Variants in SND1 observed in about 807,000 individuals in gnomAD.
The protein encoded by SND1 is staphylococcal nuclease and tudor domain containing 1, also known as staphylococcal nuclease domain-containing protein 1.
In SND1, 38 loss-of-function variants were observed where a neutral mutation model predicts 121.7. The observed-to-expected ratio is 0.31, with a 90% confidence interval of 0.24 to 0.41. The LOEUF (loss-of-function observed/expected upper bound fraction) is 0.41, where lower values mean the gene tolerates loss of function less well. Among genes scored for constraint, SND1 ranks in the 10% least tolerant of loss-of-function variants. The pLI is 1.00. For missense variants in SND1, 868 were observed against 1,184.6 expected (o/e 0.73, Z 3.92); for synonymous variants, 401 against 447.4 (o/e 0.90, Z 1.31).
chr7:127,878,470 C>A (rs567151020), intron 12 of SND1, among the ~76,000 whole-genome samples: 52 of 152,310 alleles, frequency 3.4e-4, no homozygotes, highest in African/African-American at 1.0e-3. Flanking sequence ...AGGTTATAGA[C>A]AATTGGCTCT....
chr7:128,067,151 G>A (rs1218553149), intron 16 of SND1, among the ~76,000 whole-genome samples: 3 of 152,122 alleles, frequency 2.0e-5, no homozygotes, highest in Admixed American at 1.3e-4. Flanking sequence ...GCAGAGCAGA[G>A]AGAACCTTGG....
intron 14 of SND1, among the ~76,000 whole-genome samples, chr7:127,924,160 GTA>G (rs1800784529): frequency 2.0e-5 from 3 of 152,046 alleles, no homozygotes; most frequent in Admixed American, 6.5e-5. Context: ...GGGATGGGCA[GTA>G]GAGCATATGC....
intron 16 of SND1, among the ~76,000 whole-genome samples, chr7:128,061,618 T>A (rs1793232199): frequency 6.6e-6 from 1 of 152,132 alleles, no homozygotes; most frequent in Non-Finnish European, 1.5e-5. Flanking sequence ...ACTCTGAGGG[T>A]GTAAGCCATG....
At chr7:127,960,325 C>T (rs10487502) in intron 15 of SND1, among the ~76,000 whole-genome samples, 31,578 of 152,122 alleles carry the variant, frequency 0.21, 3,669 homozygotes, top group Middle Eastern at 0.3. Context: ...TTGGTCCTTC[C>T]TCACTAAATG....
At chr7:127,817,937 T>A (rs1233380539) in intron 11 of SND1, among the ~76,000 whole-genome samples, 12 of 152,030 alleles carry the variant, frequency 7.9e-5, no homozygotes, top group Admixed American at 7.9e-4. Flanking sequence ...AGACTGTGCT[T>A]GACATTGACA....
chr7:128,057,858 CAG>C lies in SND1; in HGVS notation c.1780-16640_1780-16639del, dbSNP rs1386825145. 4.6e-5 allele frequency among the ~76,000 whole-genome samples: 7 copies of C among 152,312 alleles called. No homozygotes were observed. The East Asian group carries it at 1.3e-3, about 29-fold the overall frequency. The stretch of plus-strand genomic sequence containing the variant: ...AACTTCAGTGTGTGTTGAGGGAACA[CAG>C]AGATCAGTCGACCCAGATCAAAGAG... On this transcript the variant is annotated intron_variant, in intron 16 of 23. Coordinates refer to ENST00000354725, the MANE Select transcript of SND1 (RefSeq NM_014390.4).
At chr7:127,951,978 C>G (rs1037390231) in intron 15 of SND1, among the ~76,000 whole-genome samples, 2 of 152,116 alleles carry the variant, frequency 1.3e-5, no homozygotes, top group African/African-American at 4.8e-5. Context: ...AGTTTTAATA[C>G]CACTTTTTCC....
intron 10 of SND1, among the ~76,000 whole-genome samples, chr7:127,782,884 A>G (rs936365003): frequency 1.3e-5 from 2 of 152,202 alleles, no homozygotes; most frequent in East Asian, 3.8e-4. Context: ...AATGCTGAAG[A>G]CTACAACTGC....
At chr7:127,767,752 C>T (rs1389212292) in intron 10 of SND1, among the ~76,000 whole-genome samples, 1 of 152,176 alleles carries the variant, frequency 6.6e-6, no homozygotes, top group Non-Finnish European at 1.5e-5. Context: ...TTCCCTTTCT[C>T]CTTCATTCTA....
intron 16 of SND1, among the ~76,000 whole-genome samples, chr7:128,060,093 T>G (rs1195813211): frequency 6.6e-6 from 1 of 152,202 alleles, no homozygotes; most frequent in Non-Finnish European, 1.5e-5. Context: ...GGTTGCCCCT[T>G]GCAAGCAGTT....
chr7:128,030,277 G>A, intron 16 of SND1: 1 of 1,614,158 alleles, frequency 6.2e-7, no homozygotes, highest in African/African-American at 1.3e-5. Flanking sequence ...AGGCTGGCCA[G>A]GCCGTTGAAG....
chr7:127,832,265 G>A (rs1163951232), intron 11 of SND1, among the ~76,000 whole-genome samples: 1 of 152,158 alleles, frequency 6.6e-6, no homozygotes, highest in African/African-American at 2.4e-5. Context: ...TCTGTAGATT[G>A]AATTCCTAGA....
chr7:127,682,449 G>A (rs951517851), intron 1 of SND1, among the ~76,000 whole-genome samples: 1 of 152,080 alleles, frequency 6.6e-6, no homozygotes, highest in African/African-American at 2.4e-5. Flanking sequence ...TGTGACACCT[G>A]GTTTCACAAA....
chr7:127,926,549 C>CTTTTTTTTTTTTTTTTTT (rs71160605), intron 14 of SND1, among the ~76,000 whole-genome samples: 81 of 90,550 alleles, frequency 8.9e-4, no homozygotes, highest in Middle Eastern at 0.014. Flanking sequence ...TTTTCTTTTT[C>CTTTTTTTTTTTTTTTTTT]TTTTTTTTTT....
At chr7:127,816,186 T>A (rs1313006199) in intron 11 of SND1, among the ~76,000 whole-genome samples, 1 of 152,196 alleles carries the variant, frequency 6.6e-6, no homozygotes, top group Non-Finnish European at 1.5e-5. Flanking sequence ...AGGGCCTCCA[T>A]CACTTCTACT....
chr7:127,856,941 C>G (rs1298362943), intron 12 of SND1, among the ~76,000 whole-genome samples: 1 of 152,064 alleles, frequency 6.6e-6, no homozygotes, highest in African/African-American at 2.4e-5. Flanking sequence ...TCTTGTGTCA[C>G]TTAGCACCCT....
At chr7:127,709,500 T>G (rs1796262252) in intron 9 of SND1, among the ~76,000 whole-genome samples, 1 of 152,176 alleles carries the variant, frequency 6.6e-6, no homozygotes, top group Non-Finnish European at 1.5e-5. Context: ...CTTGGCTGGT[T>G]GGGGAGTTAA....
intron 12 of SND1, among the ~76,000 whole-genome samples, chr7:127,856,770 G>C (rs1442533587): frequency 6.6e-6 from 1 of 152,134 alleles, no homozygotes; most frequent in Non-Finnish European, 1.5e-5. Flanking sequence ...CTATATTACA[G>C]TTCTCATACC....
At chr7:127,807,396 A>G in intron 10 of SND1, 88 bp from the exon 11 acceptor site, 1 of 1,022,072 alleles carries the variant, frequency 9.8e-7, no homozygotes, top group Non-Finnish European at 1.5e-6. Flanking sequence ...GAGATAACCA[A>G]TTTCAGACAC....
Sources: gnomAD v4.1 joint callset for allele counts (sites outside exome capture counted in the v4.1 genomes callset) on GRCh38, gnomAD v4.1.1 for gene constraint, MANE v1.5 for transcripts, NCBI Gene and HGNC (gene_info 2026-07-23, HGNC 2026-07-21) for gene names.